The following CFAP54 variants were observed in gnomAD, a reference collection of about 807,000 sequenced individuals.
CFAP54 encodes the protein cilia and flagella associated protein 54, also known as cilia- and flagella-associated protein 54.
CFAP54 carries 290 observed loss-of-function variants against 370.4 expected under a neutral mutation model. The ratio of observed to expected loss-of-function variants is 0.78; its 90% confidence interval spans 0.71 to 0.86. The LOEUF (loss-of-function observed/expected upper bound fraction) is 0.86, where lower values mean the gene tolerates loss of function less well. CFAP54 is among the 40% of genes least tolerant of loss of function. CFAP54 has a pLI of 0.00. For synonymous variants in CFAP54, 1,206 were observed against 1,236.5 expected (o/e 0.98, Z 0.52); for missense variants, 3,399 against 3,528.7 (o/e 0.96, Z 0.93).
chr12:96,833,059 T>G (rs1350510388), intron 66 of CFAP54, among the ~76,000 whole-genome samples: 2 of 152,174 alleles, frequency 1.3e-5, no homozygotes, highest in Non-Finnish European at 2.9e-5. Context: ...AATATTGACA[T>G]GCACAGCTTG....
chr12:96,550,073 T>C (rs11108579), intron 15 of CFAP54, among the ~76,000 whole-genome samples: 15,234 of 152,210 alleles, frequency 0.1, 1,248 homozygotes, highest in East Asian at 0.45. Context: ...GTTATAAAAT[T>C]ATAACTAATT....
At chr12:96,744,217 A>G (rs1673581775) in intron 55 of CFAP54, 71 bp downstream of exon 55, 2 of 1,334,010 alleles carry the variant, frequency 1.5e-6, no homozygotes, top group Non-Finnish European at 2.1e-6. Context: ...TAGGCAGGCT[A>G]TCATATGAGT....
chr12:96,546,408 T>G (rs1297443105), intron 14 of CFAP54, among the ~76,000 whole-genome samples: 1 of 151,842 alleles, frequency 6.6e-6, no homozygotes, highest in Non-Finnish European at 1.5e-5. Context: ...TGTATTTGTT[T>G]GTTTGTTTGT....
At chr12:96,714,787 A>AG (rs1007446389) in intron 48 of CFAP54, among the ~76,000 whole-genome samples, 1 of 152,148 alleles carries the variant, frequency 6.6e-6, no homozygotes. Context: ...GTTTAAAAAA[A>AG]AAACTGAAAA....
At chr12:96,729,434 C>T (rs1202850331) in intron 50 of CFAP54, among the ~76,000 whole-genome samples, 1 of 152,262 alleles carries the variant, frequency 6.6e-6, no homozygotes, top group Admixed American at 6.5e-5. Flanking sequence ...TGATCTCAGA[C>T]TGCTGTGCTA....
intron 9 of CFAP54, 44 bp downstream of exon 9, chr12:96,527,488 C>T (rs1955396046): frequency 7.6e-7 from 1 of 1,318,772 alleles, no homozygotes; most frequent in Non-Finnish European, 1.0e-6. Context: ...GAATGATACA[C>T]ATGAGTAACA....
intron 17 of CFAP54, among the ~76,000 whole-genome samples, chr12:96,564,022 A>G (rs1955840139): frequency 1.3e-5 from 2 of 152,198 alleles, no homozygotes; most frequent in Admixed American, 1.3e-4. Context: ...CAGCTGGAAG[A>G]TAGTGGAGGT....
chr12:96,646,320 T>G (rs1485214939), intron 33 of CFAP54: 5 of 152,172 alleles, frequency 3.3e-5, no homozygotes, highest in South Asian at 2.1e-4. Flanking sequence ...AAGAATACAT[T>G]TATGCAGCCA....
intron 51 of CFAP54, among the ~76,000 whole-genome samples, chr12:96,740,801 G>A (rs912878610): frequency 2.0e-5 from 3 of 152,086 alleles, no homozygotes; most frequent in Non-Finnish European, 4.4e-5. Context: ...TTTGCCTCCC[G>A]GGGGAAATTT....
At chr12:96,688,442 A>G (rs894340541) in intron 42 of CFAP54, among the ~76,000 whole-genome samples, 32 of 152,208 alleles carry the variant, frequency 2.1e-4, no homozygotes, top group African/African-American at 7.5e-4. Context: ...AACCAATAGG[A>G]TAAGTGCTCA....
At chr12:96,814,120 A>G (rs1273265919) in intron 64 of CFAP54, among the ~76,000 whole-genome samples, 3 of 152,204 alleles carry the variant, frequency 2.0e-5, no homozygotes, top group African/African-American at 7.2e-5. Context: ...CTGGACACTC[A>G]TGTACAATCT....
intron 61 of CFAP54, 75 bp downstream of exon 61, chr12:96,784,965 T>G: frequency 8.5e-7 from 1 of 1,182,404 alleles, no homozygotes; most frequent in Non-Finnish European, 1.1e-6. Context: ...TTGTTGAGAA[T>G]TATAAGATAC....
intron 3 of CFAP54, among the ~76,000 whole-genome samples, chr12:96,505,566 A>C (rs1484840411): frequency 1.4e-5 from 2 of 145,766 alleles, no homozygotes; most frequent in Non-Finnish European, 3.0e-5. Flanking sequence ...GCAGTGGTGC[A>C]GTCTTGGCTC....
intron 65 of CFAP54, among the ~76,000 whole-genome samples, chr12:96,827,707 T>TATATAAGTATATATAATTATATTTA (rs1959133374): frequency 1.1e-5 from 1 of 90,248 alleles, no homozygotes; most frequent in Non-Finnish European, 2.0e-5. Flanking sequence ...TATTATATTA[T>TATATAAGTATATATAATTATATTTA]ATATAATTAT....
At chr12:96,815,777 T>G (rs559987039) in intron 64 of CFAP54, among the ~76,000 whole-genome samples, 1 of 152,248 alleles carries the variant, frequency 6.6e-6, no homozygotes, top group East Asian at 1.9e-4. Context: ...GTTTTCTGCA[T>G]ATAGCTAGCC....
intron 39 of CFAP54, among the ~76,000 whole-genome samples, chr12:96,667,216 C>A (rs1957090680): frequency 6.6e-6 from 1 of 152,164 alleles, no homozygotes; most frequent in Non-Finnish European, 1.5e-5. Context: ...GCACACAGTG[C>A]AAGCTGTCAC....
At chr12:96,771,006 C>T (rs1452474395) in intron 60 of CFAP54, among the ~76,000 whole-genome samples, 1 of 152,204 alleles carries the variant, frequency 6.6e-6, no homozygotes, top group Non-Finnish European at 1.5e-5. Context: ...AATCCAAACA[C>T]ATTAACAGTG....
At chr12:96,624,923 G>T (rs7971616) in intron 28 of CFAP54, among the ~76,000 whole-genome samples, 7 of 152,042 alleles carry the variant, frequency 4.6e-5, no homozygotes, top group Non-Finnish European at 7.4e-5. Context: ...TATATATAAA[G>T]TATAATTCCT....
At chr12:96,817,481 C>T (rs565406916) in intron 64 of CFAP54, among the ~76,000 whole-genome samples, 6 of 151,124 alleles carry the variant, frequency 4.0e-5, no homozygotes, top group East Asian at 3.9e-4. Flanking sequence ...AGTGCAGTGG[C>T]GCAATCTCCG....
Sources: allele counts gnomAD v4.1 joint callset (sites outside exome capture counted in the v4.1 genomes callset), GRCh38; gene constraint gnomAD v4.1.1; transcripts MANE v1.5; gene names NCBI Gene and HGNC (gene_info 2026-07-23, HGNC 2026-07-21).